Variants in SDK1 observed in about 807,000 individuals in gnomAD.
SDK1 encodes the protein protein sidekick-1.
SDK1 carries 157 observed loss-of-function variants against 245.5 expected under a neutral mutation model. That is an observed-to-expected ratio of 0.64 (90% CI 0.56 to 0.73). The LOEUF (loss-of-function observed/expected upper bound fraction) is 0.73. SDK1 is among the 30% of genes least tolerant of loss of function. The pLI, the probability that SDK1 is intolerant of heterozygous loss-of-function variation, is 0.00. For missense variants in SDK1, 3,583 were observed against 3,002.3 expected (o/e 1.19, Z -4.52); for synonymous variants, 1,647 against 1,278.5 (o/e 1.29, Z -6.15).
At chr7:3,528,504 TA>T (rs1162082585) in intron 1 of SDK1, among the ~76,000 whole-genome samples, 1 of 151,970 alleles carries the variant, frequency 6.6e-6, no homozygotes, top group Non-Finnish European at 1.5e-5. Flanking sequence ...GGATTTTGAG[TA>T]GGGTTGGGCT....
chr7:4,022,139 C>T (rs542765138), intron 17 of SDK1, among the ~76,000 whole-genome samples: 18 of 152,270 alleles, frequency 1.2e-4, no homozygotes, highest in African/African-American at 3.1e-4. Flanking sequence ...GTAATTAAAA[C>T]GCCTGTAAAC....
chr7:3,500,138 A>T (rs557798623), intron 1 of SDK1, among the ~76,000 whole-genome samples: 63 of 152,182 alleles, frequency 4.1e-4, no homozygotes, highest in African/African-American at 1.5e-3. Flanking sequence ...CAACTTGTCT[A>T]TCGAGTCACA....
chr7:3,449,651 C>T (rs1780451483), intron 1 of SDK1, among the ~76,000 whole-genome samples: 1 of 152,156 alleles, frequency 6.6e-6, no homozygotes, highest in Non-Finnish European at 1.5e-5. Context: ...GATAGAATAA[C>T]ATGCAGCTAT....
rs6968265 is a variant in SDK1, at chr7:3,794,707, G to T, written c.714-26743G>T. On this transcript the variant is annotated intron_variant, in intron 4 of 44. Coordinates refer to ENST00000404826, the MANE Select transcript of SDK1 (RefSeq NM_152744.4). ...TAGTCCCTCGACCTTGGACTTCTCA[G>T]ACCCCGTAATTGTAAGATATACATT... Among the ~76,000 whole-genome samples the T allele has an allele frequency of 3.7e-3, 564 of 152,216 alleles. 4 individuals carry two copies. Among genetic ancestry groups the T allele is most frequent in the African/African-American group, 0.013 (552 of 41,520 alleles).
intron 5 of SDK1, among the ~76,000 whole-genome samples, chr7:3,863,983 G>C (rs915852082): frequency 2.6e-5 from 4 of 152,164 alleles, no homozygotes; most frequent in African/African-American, 9.7e-5. Flanking sequence ...GTAAGTCGAT[G>C]TTTAGCTTTT....
intron 1 of SDK1, among the ~76,000 whole-genome samples, chr7:3,353,583 C>T (rs1398459147): frequency 6.6e-6 from 1 of 152,134 alleles, no homozygotes; most frequent in Non-Finnish European, 1.5e-5. Flanking sequence ...GTTTCTGTAA[C>T]AGTTCTGTAA....
At chr7:3,777,867 C>G (rs1020236716) in intron 4 of SDK1, among the ~76,000 whole-genome samples, 8 of 152,150 alleles carry the variant, frequency 5.3e-5, no homozygotes, top group African/African-American at 1.4e-4. Flanking sequence ...AAATATAGGT[C>G]AATTACAAAA....
chr7:3,878,500 G>A (rs1781126436), intron 5 of SDK1, among the ~76,000 whole-genome samples: 1 of 152,136 alleles, frequency 6.6e-6, no homozygotes, highest in African/African-American at 2.4e-5. Flanking sequence ...CTGGGTGACA[G>A]AGCAAGACTC....
At chr7:3,847,288 C>G (rs922784801) in intron 5 of SDK1, among the ~76,000 whole-genome samples, 4 of 152,236 alleles carry the variant, frequency 2.6e-5, no homozygotes, top group South Asian at 2.1e-4. Flanking sequence ...AGACCAGTTC[C>G]TCTGTCACTA....
intron 17 of SDK1, among the ~76,000 whole-genome samples, chr7:4,043,345 G>T (rs2128163420): frequency 1.3e-5 from 2 of 151,312 alleles, no homozygotes; most frequent in South Asian, 4.2e-4. Context: ...TAGAGTGAGT[G>T]TCACAGCCAG....
chr7:4,182,825 T>C (rs669153), intron 35 of SDK1, among the ~76,000 whole-genome samples: 40,699 of 152,032 alleles, frequency 0.27, 5,579 homozygotes, highest in Middle Eastern at 0.42. Flanking sequence ...CCCTGGCAGA[T>C]GGGGAGCAGT....
At chr7:4,020,546 G>C (rs1046702577) in intron 17 of SDK1, among the ~76,000 whole-genome samples, 11 of 152,214 alleles carry the variant, frequency 7.2e-5, no homozygotes, top group African/African-American at 2.4e-4. Flanking sequence ...GGCTCTGGAG[G>C]GGAAGATGCA....
chr7:3,568,179 T>A (rs976701957), intron 1 of SDK1, among the ~76,000 whole-genome samples: 1 of 152,258 alleles, frequency 6.6e-6, no homozygotes, highest in East Asian at 1.9e-4. Context: ...AGTGTCATTA[T>A]TGATAATGGA....
intron 1 of SDK1, among the ~76,000 whole-genome samples, chr7:3,473,640 T>C (rs1781251084): frequency 1.3e-5 from 2 of 152,090 alleles, no homozygotes; most frequent in Admixed American, 1.3e-4. Flanking sequence ...TGACTACCTT[T>C]TATTTCCTGG....
chr7:4,027,601 C>A (rs553479721), intron 17 of SDK1, among the ~76,000 whole-genome samples: 3 of 152,200 alleles, frequency 2.0e-5, no homozygotes, highest in Non-Finnish European at 4.4e-5. Context: ...GAGCTCCATG[C>A]TTAGCATGAG....
intron 22 of SDK1, among the ~76,000 whole-genome samples, chr7:4,091,647 C>G (rs891738208): frequency 3.3e-5 from 5 of 152,080 alleles, no homozygotes; most frequent in African/African-American, 1.2e-4. Flanking sequence ...CTGCCAACAG[C>G]AAGGTATGCT....
intron 22 of SDK1, among the ~76,000 whole-genome samples, chr7:4,109,276 T>C (rs1273468648): frequency 6.6e-6 from 1 of 152,142 alleles, no homozygotes; most frequent in African/African-American, 2.4e-5. Context: ...CGTTGAGAGT[T>C]TTGCGCTTTG....
intron 41 of SDK1, among the ~76,000 whole-genome samples, chr7:4,234,820 T>A (rs1786046342): frequency 6.6e-6 from 1 of 152,136 alleles, no homozygotes; most frequent in Non-Finnish European, 1.5e-5. Context: ...TGGGCTGTGT[T>A]TGAGGAGAGG....
chr7:4,219,244 A>G (rs981664495), intron 38 of SDK1, among the ~76,000 whole-genome samples: 1 of 152,256 alleles, frequency 6.6e-6, no homozygotes, highest in Middle Eastern at 3.2e-3. Context: ...CAACCCAGGC[A>G]GGCTGCAGCC....
Sources: allele counts gnomAD v4.1 joint callset (sites outside exome capture counted in the v4.1 genomes callset), GRCh38; gene constraint gnomAD v4.1.1; transcripts MANE v1.5; gene names NCBI Gene and HGNC (gene_info 2026-07-23, HGNC 2026-07-21).